Variants in CTDSPL2 observed in about 807,000 individuals in gnomAD.
CTDSPL2 encodes CTD small phosphatase-like protein 2.
CTDSPL2 carries 5 observed loss-of-function variants against 60.0 expected under a neutral mutation model. The ratio of observed to expected loss-of-function variants is 0.08; its 90% CI spans 0.04 to 0.18. CTDSPL2 has a LOEUF of 0.18. Among genes scored for constraint, CTDSPL2 ranks in the 10% least tolerant of loss-of-function variants. The probability of loss-of-function intolerance (pLI) is 1.00; values close to 1 mark genes in which losing one functional copy is unlikely to be tolerated. For synonymous variants in CTDSPL2, 186 were observed against 189.3 expected (o/e 0.98, Z 0.14); for missense variants, 370 against 548.8 (o/e 0.67, Z 3.26).
chr15:44,513,774 CA>C, intron 8 of CTDSPL2, among the ~76,000 whole-genome samples: 1 of 152,202 alleles, frequency 6.6e-6, no homozygotes, highest in East Asian at 1.9e-4. Flanking sequence ...AATTTTGTAA[CA>C]AAATGAATAC....
chr15:44,478,797 C>A (rs2080970471), intron 2 of CTDSPL2, among the ~76,000 whole-genome samples: 1 of 151,922 alleles, frequency 6.6e-6, no homozygotes, highest in Non-Finnish European at 1.5e-5. Context: ...GCCTGACCAA[C>A]ATGGTGAAAC....
At chr15:44,512,557 A>G (rs1241180774) in intron 8 of CTDSPL2, among the ~76,000 whole-genome samples, 1 of 152,244 alleles carries the variant, frequency 6.6e-6, no homozygotes, top group Non-Finnish European at 1.5e-5. Flanking sequence ...TGTTAGTAAA[A>G]TAATATACAT....
Position 44,524,276 on chromosome 15 carries a change from C to A in CTDSPL2, c.*102C>A. ...ACTGTTGAAATTTTGCATTTTTGTA[C>A]CCCGTCTTGCTTTTCTTATCTTTGG... On this transcript the variant is annotated 3_prime_UTR_variant, in exon 13 of 13. Coordinates refer to ENST00000260327, the MANE Select transcript of CTDSPL2 (RefSeq NM_016396.3). The A allele has an allele frequency of 1.2e-6, 1 of 857,802 alleles. No homozygotes were observed. Among genetic ancestry groups the A allele is most frequent in the Non-Finnish European group, 1.9e-6 (1 of 516,240 alleles). 53.1% of individuals were successfully genotyped at this position (857,802 alleles called of 1,614,324 possible).
chr15:44,451,959 A>C (rs565392859), intron 1 of CTDSPL2, among the ~76,000 whole-genome samples: 1 of 152,288 alleles, frequency 6.6e-6, no homozygotes, highest in African/African-American at 2.4e-5. Context: ...TCAGCTGTAA[A>C]ATTTTTAAAC....
Position 44,501,593 on chromosome 15 carries a change from A to G in CTDSPL2, c.969+1780A>G, listed in dbSNP as rs549391533. On this transcript the variant is annotated intron_variant, in intron 8 of 12. Coordinates refer to ENST00000260327, the MANE Select transcript of CTDSPL2 (RefSeq NM_016396.3). ...TTAAAATACTGTATGTATGTACTGC[A>G]TCTACCTCTGTGGAATTCAGACAAC... 2.6e-5 allele frequency among the ~76,000 whole-genome samples: 4 copies of G among 152,270 alleles called. No homozygotes were observed. In the South Asian group the frequency reaches 6.2e-4, roughly 24 times the overall value.
intron 1 of CTDSPL2, among the ~76,000 whole-genome samples, chr15:44,455,660 C>T (rs2080419599): frequency 1.3e-5 from 2 of 152,066 alleles, no homozygotes; most frequent in African/African-American, 4.8e-5. Context: ...AAGGCCTTTT[C>T]TACATCTATT....
At chr15:44,489,109 C>T (rs1259291918) in intron 4 of CTDSPL2, among the ~76,000 whole-genome samples, 3 of 152,078 alleles carry the variant, frequency 2.0e-5, no homozygotes, top group Non-Finnish European at 4.4e-5. Context: ...CAACCTCTCT[C>T]TCCACTCCCA....
intron 5 of CTDSPL2, among the ~76,000 whole-genome samples, chr15:44,493,649 A>T (rs2081251926): frequency 6.6e-6 from 1 of 152,112 alleles, no homozygotes; most frequent in Non-Finnish European, 1.5e-5. Flanking sequence ...CAACAAAAAA[A>T]TTAGCTGGGC....
intron 8 of CTDSPL2, among the ~76,000 whole-genome samples, chr15:44,506,190 C>T (rs141451997): frequency 1.5e-3 from 227 of 151,400 alleles, no homozygotes; most frequent in Admixed American, 4.7e-3. Context: ...CTACTGAGGC[C>T]GGCTAATTTT....
chr15:44,456,239 G>A (rs1449627189), intron 1 of CTDSPL2, among the ~76,000 whole-genome samples: 2 of 152,172 alleles, frequency 1.3e-5, no homozygotes. Flanking sequence ...TTTGTATCAG[G>A]ATGATGCTGG....
chr15:44,440,199 G>GTTTT (rs34781077), intron 1 of CTDSPL2, among the ~76,000 whole-genome samples: 1 of 140,716 alleles, frequency 7.1e-6, no homozygotes. Context: ...TTGTTTTTGT[G>GTTTT]TTTTTTTTTT....
Position 44,484,211 on chromosome 15 carries a change from C to A in CTDSPL2, c.187-13C>A. The A allele has an allele frequency of 2.6e-6, 4 of 1,566,034 alleles. No homozygotes were observed. The highest frequency in any genetic ancestry group is 2.4e-5 in the South Asian group (2 of 83,892). On this transcript the variant is annotated splice_polypyrimidine_tract_variant and intron_variant, in intron 2 of 12. Transcript: ENST00000260327. ...TTGTGCTTAGTGTGTTTTTTTTTCT[C>A]TTATATCTTAAGGAAGAGAGAGAAA...
chr15:44,456,830 A>T (rs1595715146), intron 1 of CTDSPL2, among the ~76,000 whole-genome samples: 3 of 87,564 alleles, frequency 3.4e-5, no homozygotes, highest in African/African-American at 8.5e-5. Context: ...TTTAATTGTG[A>T]TGTTAGGGTG....
At chr15:44,469,409 T>G (rs1466565500) in intron 2 of CTDSPL2, among the ~76,000 whole-genome samples, 1 of 152,354 alleles carries the variant, frequency 6.6e-6, no homozygotes, top group East Asian at 1.9e-4. Flanking sequence ...CTTCCTTGAT[T>G]AGAACATTAA....
chr15:44,480,872 A>G (rs959668717), intron 2 of CTDSPL2, among the ~76,000 whole-genome samples: 2 of 152,166 alleles, frequency 1.3e-5, no homozygotes, highest in African/African-American at 2.4e-5. Flanking sequence ...TAGAGAAGAC[A>G]TTGTAGGATT....
chr15:44,514,441 G>A (rs2081616563), intron 8 of CTDSPL2, among the ~76,000 whole-genome samples, 157 bp from the exon 9 acceptor site: 1 of 152,214 alleles, frequency 6.6e-6, no homozygotes, highest in Non-Finnish European at 1.5e-5. Flanking sequence ...GCTTGTATGT[G>A]AAATATACTT....
chr15:44,455,427 T>A (rs1168628007), intron 1 of CTDSPL2, among the ~76,000 whole-genome samples: 3 of 151,960 alleles, frequency 2.0e-5, no homozygotes, highest in Non-Finnish European at 2.9e-5. Flanking sequence ...TCTCCTGCCT[T>A]ATTGCCCTGT....
chr15:44,448,863 A>G lies in CTDSPL2; in HGVS notation c.-24-10128A>G, dbSNP rs1023836574. The G allele has an allele frequency of 2.0e-5, 8 of 404,390 alleles. No homozygotes were observed. In the East Asian group the frequency reaches 4.4e-4, roughly 22 times the overall value. 25.1% of individuals were successfully genotyped at this position (404,390 alleles called of 1,614,324 possible). On this transcript the variant is annotated intron_variant, in intron 1 of 12. Coordinates refer to ENST00000260327, the MANE Select transcript of CTDSPL2 (RefSeq NM_016396.3). ...CATCCGTCTTTACCTGCGTTGGTCT[A>G]TCACACAGCAGTTGGCCATTGAATG...
chr15:44,512,859 G>A (rs1221527401), intron 8 of CTDSPL2, among the ~76,000 whole-genome samples: 1 of 149,864 alleles, frequency 6.7e-6, no homozygotes, highest in Non-Finnish European at 1.5e-5. Context: ...TTGGGAGGCA[G>A]GCAGATCACT....
Sources: gnomAD v4.1 joint callset for allele counts (sites outside exome capture counted in the v4.1 genomes callset) on GRCh38, gnomAD v4.1.1 for gene constraint, MANE v1.5 for transcripts, NCBI Gene and HGNC (gene_info 2026-07-23, HGNC 2026-07-21) for gene names.